The following HEATR5B variants were observed in gnomAD, a reference collection of about 807,000 sequenced individuals.
The protein encoded by HEATR5B is HEAT repeat containing 5B.
Under a neutral mutation model 224.1 loss-of-function variants are expected in HEATR5B, and 156 were observed. The ratio of observed to expected loss-of-function variants is 0.70; its 90% CI spans 0.61 to 0.80. HEATR5B has a LOEUF of 0.80. Among genes scored for constraint, HEATR5B ranks in the 30% least tolerant of loss-of-function variants. The probability of loss-of-function intolerance (pLI) is 0.00; values close to 1 mark genes in which losing one functional copy is unlikely to be tolerated. For missense variants in HEATR5B, 2,323 were observed against 2,535.5 expected, an observed-to-expected ratio of 0.92 and a Z score of 1.80; for synonymous variants, 1,027 against 893.0, an observed-to-expected ratio of 1.15 and a Z score of -2.68.
At chr2:37,057,595 T>C in intron 14 of HEATR5B, 115 bp from the exon 15 acceptor site, 1 of 623,056 alleles carries the variant, frequency 1.6e-6, no homozygotes, top group Non-Finnish European at 2.6e-6. Context: ...AAGTCTCTGT[T>C]CTCTTCTTTA....
Position 37,006,413 on chromosome 2 carries a change from G to C in HEATR5B, c.4777+637C>G, listed in dbSNP as rs144563889. 3.0e-3 allele frequency among the ~76,000 whole-genome samples: 463 copies of C among 152,318 alleles called. 2 individuals are homozygous for C. The highest frequency in any genetic ancestry group is 5.2e-3 in the Non-Finnish European group (355 of 68,026). The stretch of plus-strand genomic sequence containing the variant: ...TGTAATCTCAGCACCCAGCCGAGGT[G>C]GGTGGATCACCTGAGGTCAGGAGTT... On this transcript the variant is annotated intron_variant, in intron 29 of 35. Transcript: ENST00000233099.
chr2:36,990,547 C>T (rs1051928065), intron 34 of HEATR5B, 101 bp downstream of exon 34: 2 of 1,120,554 alleles, frequency 1.8e-6, no homozygotes, highest in Non-Finnish European at 2.5e-6. Flanking sequence ...AGTGCAAATA[C>T]TTAGCTTTTC....
At chr2:37,034,208 G>A (rs576578135) in intron 21 of HEATR5B, among the ~76,000 whole-genome samples, 57 of 151,012 alleles carry the variant, frequency 3.8e-4, no homozygotes, top group Non-Finnish European at 6.8e-4. Context: ...GGGTTTCACC[G>A]TGTTAGTCAG....
At chr2:37,067,279 CTTGCT>C (rs2148577812) in intron 8 of HEATR5B, among the ~76,000 whole-genome samples, 1 of 152,256 alleles carries the variant, frequency 6.6e-6, no homozygotes, top group Admixed American at 6.5e-5. Flanking sequence ...ATGCATCTGG[CTTGCT>C]ATTTTACTCC....
rs150432663 is a variant in HEATR5B at position 37,058,911 on chromosome 2, T to C, written c.1926A>G (p.Glu642=). 4.4e-6 allele frequency: 7 copies of C among 1,607,094 alleles called. No homozygotes were observed. Among genetic ancestry groups the C allele is most frequent in the Non-Finnish European group, 6.0e-6 (7 of 1,175,524 alleles). The change falls in exon 13 of 36, where the codon GAA becomes GAG. Residue 642 remains glutamate (E), a synonymous_variant. Transcript: ENST00000233099. ...ACTGTGACATCATAGTCATGGCACA[T>C]TCAATAGGGGTCATCAATTTTCGAA... ...DVIRKLMTPI[E]CAMTMMSHIP...
chr2:37,064,699 C>T (rs1275882999), intron 10 of HEATR5B, 41 bp downstream of exon 10: 2 of 1,605,180 alleles, frequency 1.2e-6, no homozygotes, highest in South Asian at 1.1e-5. Flanking sequence ...AAGACCAAAG[C>T]CCACGTGACA....
chr2:37,075,460 T>C lies in HEATR5B; in HGVS notation c.597+25A>G, dbSNP rs2148598999. The C allele has an allele frequency of 1.9e-6, 3 of 1,571,178 alleles. No individual in the cohort carries two copies. In the East Asian group the frequency reaches 6.9e-5, roughly 36 times the overall value. ...TAAGAGCAAGAAGGATAAAGAGCAG[T>C]ATTCTAAATTGGTCGAGTACTAACC... On this transcript the variant is annotated intron_variant, in intron 5 of 35. Transcript: ENST00000233099.
intron 5 of HEATR5B, among the ~76,000 whole-genome samples, chr2:37,074,867 G>A (rs1027124196): frequency 6.6e-6 from 1 of 152,176 alleles, no homozygotes; most frequent in Non-Finnish European, 1.5e-5. Context: ...GAGATACAAT[G>A]ACATATGTAT....
At position 37,010,561 on chromosome 2, in the gene HEATR5B, T is replaced by C. The variant is rs529473194; in HGVS notation, c.4285-1713A>G. Among the ~76,000 whole-genome samples, 16 of 151,840 alleles carry C rather than the reference T, an allele frequency of 1.1e-4. No individual in the cohort carries two copies. In the South Asian group the frequency reaches 3.1e-3, roughly 30 times the overall value. On this transcript the variant is annotated intron_variant, in intron 27 of 35. Coordinates refer to ENST00000233099, the MANE Select transcript of HEATR5B (RefSeq NM_019024.3). ...GGGAGTCTCGATCTGTAACCCAGGC[T>C]GGAGTGCAGTGGTGCGATCACAGCT...
At chr2:37,034,197 G>T (rs187687495) in intron 21 of HEATR5B, among the ~76,000 whole-genome samples, 1 of 150,924 alleles carries the variant, frequency 6.6e-6, no homozygotes, top group East Asian at 2.0e-4. Context: ...TAGTAGAGAT[G>T]GGGTTTCACC....
At chr2:37,007,457 C>T (rs1259386655) in intron 28 of HEATR5B, among the ~76,000 whole-genome samples, 153 bp from the exon 29 acceptor site, 2 of 148,858 alleles carry the variant, frequency 1.3e-5, no homozygotes, top group Non-Finnish European at 3.0e-5. Context: ...AATTCTCCTG[C>T]CTCAGCCTCC....
At position 36,981,455 on chromosome 2, in the gene HEATR5B, T is replaced by G; in HGVS notation, c.*35A>C. 6.5e-7 allele frequency: 1 copy of G among 1,537,624 alleles called. No individual in the cohort carries two copies. The highest frequency in any genetic ancestry group is 8.8e-7 in the Non-Finnish European group (1 of 1,131,820). On this transcript the variant is annotated 3_prime_UTR_variant, in exon 36 of 36. Coordinates refer to ENST00000233099, the MANE Select transcript of HEATR5B (RefSeq NM_019024.3). ...GTGGCCATCACTAATTAGGGGCTAG[T>G]TGACAACATAAATACAAATAAATGA... is the stretch of plus-strand genomic sequence containing the variant.
intron 25 of HEATR5B, among the ~76,000 whole-genome samples, chr2:37,020,272 A>G (rs889535807): frequency 1.3e-5 from 2 of 152,194 alleles, no homozygotes; most frequent in Admixed American, 1.3e-4. Context: ...GGCAACTGCT[A>G]TCTATTTCTA....
chr2:37,065,120 G>A, intron 9 of HEATR5B, 130 bp from the exon 10 acceptor site: 2 of 850,224 alleles, frequency 2.4e-6, no homozygotes, highest in Non-Finnish European at 3.6e-6. Context: ...CCACAACTTT[G>A]CCTAAAACTA....
intron 35 of HEATR5B, among the ~76,000 whole-genome samples, chr2:36,985,462 T>C (rs1317149098): frequency 6.8e-6 from 1 of 146,778 alleles, no homozygotes; most frequent in African/African-American, 2.6e-5. Context: ...TTTTTGGTTT[T>C]TTTTTTTTTT....
chr2:36,996,744 C>T (rs993758321), intron 33 of HEATR5B, among the ~76,000 whole-genome samples: 1 of 152,102 alleles, frequency 6.6e-6, no homozygotes, highest in Non-Finnish European at 1.5e-5. Context: ...AGGCATGTGC[C>T]ACCACGCCCA....
chr2:37,019,527 G>C (rs941568314), intron 26 of HEATR5B, among the ~76,000 whole-genome samples: 1 of 151,156 alleles, frequency 6.6e-6, no homozygotes, highest in African/African-American at 2.4e-5. Context: ...CGAAATCTTG[G>C]GTCATTGTAG....
At chr2:37,040,999 T>C in intron 19 of HEATR5B, 134 bp downstream of exon 19, 1 of 653,912 alleles carries the variant, frequency 1.5e-6, no homozygotes, top group Non-Finnish European at 2.6e-6. Context: ...AAAATCTTGC[T>C]ATGTACTATT....
At chr2:37,073,029 G>C (rs1034053707) in intron 5 of HEATR5B, among the ~76,000 whole-genome samples, 2 of 152,080 alleles carry the variant, frequency 1.3e-5, no homozygotes, top group Non-Finnish European at 2.9e-5. Context: ...AAAATGTTCA[G>C]GTAAGAAATA....
Sources: allele counts gnomAD v4.1 joint callset (sites outside exome capture counted in the v4.1 genomes callset), GRCh38; gene constraint gnomAD v4.1.1; transcripts MANE v1.5; gene names NCBI Gene and HGNC (gene_info 2026-07-23, HGNC 2026-07-21).